Variants in PRSS36 observed in about 807,000 individuals in gnomAD.
The protein encoded by PRSS36 is serine protease 36, also known as polyserase-2.
Under a neutral mutation model 94.3 loss-of-function variants are expected in PRSS36, and 90 were observed. The ratio of observed to expected loss-of-function variants is 0.95; its 90% confidence interval spans 0.80 to 1.14. The LOEUF is 1.14. Among genes scored for constraint, PRSS36 ranks in the 50% most tolerant of loss-of-function variants. PRSS36 has a pLI of 0.00. For synonymous variants in PRSS36, 500 were observed against 489.6 expected, an observed-to-expected ratio of 1.02 and a Z score of -0.28; for missense variants, 1,158 against 1,135.0, an observed-to-expected ratio of 1.02 and a Z score of -0.29.
Position 31,143,421 on chromosome 16 carries a change from T to C in PRSS36, c.1021A>G (p.Met341Val). 1 of 1,612,786 alleles carries C rather than the reference T, an allele frequency of 6.2e-7. No individual in the cohort carries two copies. The highest frequency in any genetic ancestry group is 8.5e-7 in the Non-Finnish European group (1 of 1,179,616). ...TGGCAGGGTCTGGATCCTGGCACCA[T>C]CACCTGGGCCTCCCAGGGCCAGGCC... ...PGAWPWEAQV[M>V]VPGSRPCHGA... is the part of the protein sequence containing the mutation. The change falls in exon 8 of 15, where the codon ATG becomes GTG. Residue 341 changes from methionine to valine, a missense_variant. Transcript: ENST00000268281.
chr16:31,143,564 C>T (rs759446363), intron 7 of PRSS36, 24 bp downstream of exon 7: 4 of 1,613,536 alleles, frequency 2.5e-6, no homozygotes, highest in Non-Finnish European at 3.4e-6. Context: ...GTCCCGCTTA[C>T]ATCCAGGGGT....
intron 5 of PRSS36, 131 bp downstream of exon 5, chr16:31,148,264 A>C (rs537905794): frequency 9.9e-7 from 1 of 1,013,804 alleles, no homozygotes; most frequent in East Asian, 2.9e-5. Flanking sequence ...ACCGACCCGC[A>C]GAAACCTACC....
chr16:31,141,561 C>G lies in PRSS36; in HGVS notation c.1809G>C (p.Trp603Cys), dbSNP rs2057690311. 1.9e-6 allele frequency: 3 copies of G among 1,613,304 alleles called. No homozygotes were observed. Among genetic ancestry groups the G allele is most frequent in the African/African-American group, 1.3e-5 (1 of 74,916 alleles). Residue 603 changes from tryptophan to cysteine, a missense_variant, in exon 12 of 15, where the codon TGG becomes TGC. Transcript: ENST00000268281. ...CACCAGCCACATGCACCTCTGCCAG[C>G]CAGGGCCACAGGACCCCCACTGGAG... ...EAAPVGVLWPWLAEVHVAGDR... is the reference protein window; with the variant it reads ...EAAPVGVLWPCLAEVHVAGDR...
rs2057754089 is a variant in PRSS36, at chr16:31,143,684, C to A, written c.874G>T (p.Gly292Cys). 6.2e-7 allele frequency: 1 copy of A among 1,614,054 alleles called. No homozygotes were observed. Among genetic ancestry groups the A allele is most frequent in the Admixed American group, 1.7e-5 (1 of 60,004 alleles). ...GGAAAGGCAGGCCCAGGCTCTGAAC[C>A]CATCACCTGCTCCCGTATCCATGCC... is the stretch of plus-strand genomic sequence containing the variant. ...YEAWIREQVM[G>C]SEPGPAFPTQ... Residue 292 changes from glycine (G) to cysteine (C), a missense_variant, in exon 7 of 15, where the codon GGT (glycine) becomes TGT (cysteine). Gly to Cys is a radical substitution (Grantham distance 159). Coordinates refer to ENST00000268281, the MANE Select transcript of PRSS36 (RefSeq NM_173502.5).
Position 31,142,980 on chromosome 16 carries a change from C to A in PRSS36, c.1114G>T (p.Asp372Tyr). ...ASCFLDPNSSDSPPRDLDAWR... is the reference protein window; with the variant it reads ...ASCFLDPNSSYSPPRDLDAWR... Reference sequence around the variant, plus strand: ...GCGTCGAGGTCGCGGGGTGGGCTGTCGGAGCTGTTCGGGCTGCGGGATGGG... The same window carrying A: ...GCGTCGAGGTCGCGGGGTGGGCTGTAGGAGCTGTTCGGGCTGCGGGATGGG... The change falls in exon 9 of 15, where the codon GAC becomes TAC. Residue 372 changes from aspartate (D) to tyrosine (Y), a missense_variant. Coordinates refer to ENST00000268281, the MANE Select transcript of PRSS36 (RefSeq NM_173502.5). The A allele has an allele frequency of 7.1e-7, 1 of 1,400,158 alleles. No individual in the cohort carries two copies. The highest frequency in any genetic ancestry group is 3.3e-5 in the Admixed American group (1 of 30,376). The allele number at this position is 1,400,158 out of a possible 1,614,324, so 86.7% of individuals were successfully genotyped here. A position where few individuals can be genotyped will look rare whatever the true frequency, so the allele number is the denominator to read the frequency against.
chr16:31,139,505 TG>T, intron 14 of PRSS36, 89 bp from the exon 15 acceptor site: 1 of 1,461,636 alleles, frequency 6.8e-7, no homozygotes, highest in East Asian at 2.3e-5. Context: ...CGAAGCACTC[TG>T]GTCTGCATCC....
chr16:31,148,563 C>G lies in PRSS36; in HGVS notation c.385G>C (p.Ala129Pro). Residue 129 changes from alanine to proline, a missense_variant, in exon 5 of 15, where the codon GCC becomes CCC. By Grantham distance (27) the Ala-to-Pro change is conservative. Coordinates refer to ENST00000268281, the MANE Select transcript of PRSS36 (RefSeq NM_173502.5). ...TRAVAAIVVPANYSQVELGAD... is the reference protein window; with the variant it reads ...TRAVAAIVVPPNYSQVELGAD... ...CCCAGCTCCACTTGGCTGTAGTTGG[C>G]CGGCACCACGATGGCGGCCACTGCG... 1.2e-6 allele frequency: 2 copies of G among 1,607,918 alleles called. No individual in the cohort carries two copies. The highest frequency in any genetic ancestry group is 1.7e-6 in the Non-Finnish European group (2 of 1,178,262).
rs1033813531 is a variant in PRSS36 at position 31,148,657 on chromosome 16, G to A, written c.291C>T (p.Pro97=). Residue 97 remains proline (P), a synonymous_variant, in exon 5 of 15, where the codon CCC becomes CCT. Transcript: ENST00000268281. The part of the protein sequence containing the change: ...HCFMTNGTLE[P]AAEWSVLLGV... ...CCAGCAGTACCGACCACTCGGCCGC[G>A]GGCTCCAGCGTCCCATTCCTGCGCT... 1.2e-5 allele frequency: 19 copies of A among 1,612,424 alleles called. No homozygotes were observed. The highest frequency in any genetic ancestry group is 3.3e-4 in the Middle Eastern group (2 of 6,082).
Position 31,149,192 on chromosome 16 carries a change from T to G in PRSS36, c.153A>C (p.Ser51=), listed in dbSNP as rs1016559611. The G allele has an allele frequency of 5.7e-6, 9 of 1,569,936 alleles. No individual in the cohort carries two copies. The highest frequency in any genetic ancestry group is 5.7e-5 in the Admixed American group (3 of 52,542). Residue 51 remains serine (S), a synonymous_variant, in exon 4 of 15, where the codon TCA becomes TCC. Transcript: ENST00000268281. ...PEPSARIVGG[S]NAQPGTWPWQ... is the part of the protein sequence containing the mutation. ...AAGGCCAGGTGCCCGGCTGCGCGTT[T>G]GAGCCCCCCACGATGCGGGCCGAGG... is the stretch of plus-strand genomic sequence containing the variant.
rs1386677666 is a variant in PRSS36 at position 31,149,697 on chromosome 16, T to A, written c.72A>T (p.Ser24=). The change falls in exon 2 of 15, where the codon TCA becomes TCT. Residue 24 remains serine (S), a splice_region_variant and synonymous_variant. Coordinates refer to ENST00000268281, the MANE Select transcript of PRSS36 (RefSeq NM_173502.5). ...ISPIPGAFQD[S]ALSPTQEEPE... Reference sequence around the variant, plus strand: ...TTTCCCCCAGTCCGGCTACCTTACCTGAGTCCTGGAAGGCTCCTGGGATGG... The same window carrying A: ...TTTCCCCCAGTCCGGCTACCTTACCAGAGTCCTGGAAGGCTCCTGGGATGG... 1 of 1,614,040 alleles carries A rather than the reference T, an allele frequency of 6.2e-7. No homozygotes were observed. The highest frequency in any genetic ancestry group is 8.5e-7 in the Non-Finnish European group (1 of 1,180,030).
rs2144014890 is a variant in PRSS36 at position 31,139,116 on chromosome 16, G to A, written c.*22C>T. The A allele has an allele frequency of 6.6e-7, 1 of 1,521,276 alleles. No individual in the cohort carries two copies. The highest frequency in any genetic ancestry group is 2.3e-5 in the East Asian group (1 of 43,138). The allele number at this position is 1,521,276 out of a possible 1,614,324, so 94.2% of individuals were successfully genotyped here. On this transcript the variant is annotated 3_prime_UTR_variant, in exon 15 of 15. Transcript: ENST00000268281. ...GAAGTAGAGGGTGGAGAAGGGGGAA[G>A]TGGTGCTGGGACCCTAGCCCCTCAG...
rs2144050197 is a variant in PRSS36, at chr16:31,149,245, G to A, written c.110-10C>T. 3.2e-6 allele frequency: 5 copies of A among 1,545,016 alleles called. 1 individual carries two copies. The East Asian group carries it at 1.2e-4, about 37-fold the overall frequency. On this transcript the variant is annotated splice_polypyrimidine_tract_variant and intron_variant, in intron 3 of 14. Coordinates refer to ENST00000268281, the MANE Select transcript of PRSS36 (RefSeq NM_173502.5). ...TCAGGGCGCCCGCAGTCTGCAACGGGGAGCCGTGGAAGCCAAAGCTCCCCT... is the reference window on the plus strand; with the variant it reads ...TCAGGGCGCCCGCAGTCTGCAACGGAGAGCCGTGGAAGCCAAAGCTCCCCT...
At position 31,142,901 on chromosome 16, in the gene PRSS36, A is replaced by C; in HGVS notation, c.1193T>G (p.Val398Gly). The C allele has an allele frequency of 1.9e-6, 3 of 1,545,030 alleles. No homozygotes were observed. The highest frequency in any genetic ancestry group is 2.4e-5 in the South Asian group (2 of 83,860). ...RPRAERVARL[V>G]QHENASWDNA... ...GTCCCACGAAGCGTTCTCGTGCTGC[A>C]CCAGGCGCGCCACCCGCTCCGCGCG... The change falls in exon 9 of 15, where the codon GTG (valine) becomes GGG (glycine). Residue 398 changes from valine to glycine, a missense_variant. Physicochemically the swap from Val to Gly is moderately radical, Grantham distance 109 (BLOSUM62 -3). Coordinates refer to ENST00000268281, the MANE Select transcript of PRSS36 (RefSeq NM_173502.5).
intron 9 of PRSS36, 44 bp from the exon 10 acceptor site, chr16:31,142,688 C>T (rs984680592): frequency 1.5e-6 from 2 of 1,366,502 alleles, no homozygotes; most frequent in Non-Finnish European, 1.9e-6. Flanking sequence ...GCCCAGACGG[C>T]CCCTGCACCG....
At position 31,145,969 on chromosome 16, in the gene PRSS36, C is replaced by A. The variant is rs2057793952; in HGVS notation, c.554-14G>T. ...GAGGCAGAGGATCTGGAGGCAGAAC[C>A]AGAGAGCAGGTGCTGTGAGGCAGGT... On this transcript the variant is annotated splice_polypyrimidine_tract_variant and intron_variant, in intron 5 of 14. Transcript: ENST00000268281. 2 of 1,604,320 alleles carry A rather than the reference C, an allele frequency of 1.2e-6. No individual in the cohort carries two copies.
In PRSS36 at chr16:31,143,465, C is replaced by T. The variant is rs1460552045; in HGVS notation, c.977G>A (p.Gly326Glu). ...CCAGGCCCCTGGCCGCGGGGCCTTC[C>T]CGCACTCTGAGGGGTGAGAGGCCTG... ...ENCTIALPEC[G>E]KAPRPGAWPW... Residue 326 changes from glycine to glutamate, a missense_variant, in exon 8 of 15, where the codon GGG becomes GAG. Physicochemically the swap from Gly to Glu is moderately conservative, Grantham distance 98. Transcript: ENST00000268281. 3 of 1,608,382 alleles carry T rather than the reference C, an allele frequency of 1.9e-6. No homozygotes were observed. Among genetic ancestry groups the T allele is most frequent in the Admixed American group, 1.7e-5 (1 of 59,160 alleles).
At position 31,143,453 on chromosome 16, in the gene PRSS36, C is replaced by A; in HGVS notation, c.989G>T (p.Arg330Leu). The change falls in exon 8 of 15, where the codon CGG becomes CTG. Residue 330 changes from arginine (R) to leucine (L), a missense_variant. Coordinates refer to ENST00000268281, the MANE Select transcript of PRSS36 (RefSeq NM_173502.5). ...GGCCTCCCAGGGCCAGGCCCCTGGC[C>A]GCGGGGCCTTCCCGCACTCTGAGGG... ...IALPECGKAP[R>L]PGAWPWEAQV... The A allele has an allele frequency of 6.2e-7, 1 of 1,609,912 alleles. No individual in the cohort carries two copies. Among genetic ancestry groups the A allele is most frequent in the Non-Finnish European group, 8.5e-7 (1 of 1,178,192 alleles).
In PRSS36 at chr16:31,141,599, G is replaced by A. The variant is rs145749002; in HGVS notation, c.1771C>T (p.Arg591Trp). Residue 591 changes from arginine (R) to tryptophan (W), a missense_variant, in exon 12 of 15, where the codon CGG becomes TGG. Transcript: ENST00000268281. Reference sequence around the variant, plus strand: ...ACCCCCACTGGAGCAGCCTCCAGCCGCAGGCCACAGGCTAGGGAGAGGAGG... The same window carrying A: ...ACCCCCACTGGAGCAGCCTCCAGCCACAGGCCACAGGCTAGGGAGAGGAGG... ...PHTEHGACGL[R>W]LEAAPVGVLW... 539 of 1,613,200 alleles carry A rather than the reference G, an allele frequency of 3.3e-4. No homozygotes were observed. Among genetic ancestry groups the A allele is most frequent in the Non-Finnish European group, 4.3e-4 (504 of 1,179,884 alleles).
rs1288836970 is a variant in PRSS36 at position 31,142,498 on chromosome 16, C to T, written c.1504G>A (p.Glu502Lys). The T allele has an allele frequency of 4.7e-6, 7 of 1,490,022 alleles. No homozygotes were observed. The highest frequency in any genetic ancestry group is 1.4e-5 in the African/African-American group (1 of 69,680). 92.3% of individuals were successfully genotyped at this position (1,490,022 alleles called of 1,614,324 possible). The change falls in exon 10 of 15, where the codon GAG (glutamate) becomes AAG (lysine). Residue 502 changes from glutamate to lysine, a missense_variant. Physicochemically the swap from Glu to Lys is moderately conservative, Grantham distance 56. Transcript: ENST00000268281. ...ALCPAYQEKE[E>K]VGSCWNDSRW... ...CCGCTTACCCAGCAGCTGCCCACCT[C>T]CTCCTTTTCCTGGTAGGCAGGGCAG... is the stretch of plus-strand genomic sequence containing the variant.
Sources: allele counts gnomAD v4.1 joint callset, GRCh38; gene constraint gnomAD v4.1.1; transcripts MANE v1.5; gene names NCBI Gene and HGNC (gene_info 2026-07-23, HGNC 2026-07-21).